The following NEGR1 variants were observed in gnomAD, a reference collection of about 807,000 sequenced individuals.
The protein encoded by NEGR1 is neuronal growth regulator 1, also known as IgLON family member 4.
NEGR1 carries 10 observed loss-of-function variants against 40.9 expected under a neutral mutation model. That is an observed-to-expected ratio of 0.24 (90% CI 0.15 to 0.42). The LOEUF (loss-of-function observed/expected upper bound fraction) is 0.42, where lower values mean the gene tolerates loss of function less well. Ranked by LOEUF, NEGR1 falls within the 10% of genes least tolerant of loss-of-function variation. The pLI is 1.00. For synonymous variants in NEGR1, 185 were observed against 166.8 expected, an observed-to-expected ratio of 1.11 and a Z score of -0.84; for missense variants, 352 against 438.9, an observed-to-expected ratio of 0.80 and a Z score of 1.77.
At chr1:71,712,768 A>T (rs1045642816) in intron 3 of NEGR1, among the ~76,000 whole-genome samples, 24 of 152,140 alleles carry the variant, frequency 1.6e-4, no homozygotes, top group African/African-American at 5.6e-4. Flanking sequence ...TGACTGGATC[A>T]TGGGGTCAGA....
chr1:71,807,199 T>C (rs1182951024), intron 2 of NEGR1, among the ~76,000 whole-genome samples: 2 of 152,078 alleles, frequency 1.3e-5, no homozygotes, highest in Admixed American at 1.3e-4. Flanking sequence ...CCTGGCCATG[T>C]CGATCTATTT....
intron 3 of NEGR1, among the ~76,000 whole-genome samples, chr1:71,762,703 CT>C (rs780476525): frequency 3.9e-5 from 6 of 152,104 alleles, no homozygotes; most frequent in Non-Finnish European, 8.8e-5. Flanking sequence ...AGATTATGCA[CT>C]GTATGGCAGT....
intron 2 of NEGR1, among the ~76,000 whole-genome samples, chr1:71,843,743 T>C (rs919118581): frequency 9.9e-5 from 15 of 152,152 alleles, no homozygotes; most frequent in Admixed American, 8.5e-4. Flanking sequence ...AAATTCTAGC[T>C]TAGCATTTAA....
At chr1:71,845,034 A>G (rs1241425737) in intron 2 of NEGR1, among the ~76,000 whole-genome samples, 1 of 152,194 alleles carries the variant, frequency 6.6e-6, no homozygotes, top group Non-Finnish European at 1.5e-5. Context: ...GTCAAGGCAA[A>G]TAGAGGTTTA....
intron 1 of NEGR1, among the ~76,000 whole-genome samples, chr1:72,144,753 T>C (rs1050676306): frequency 7.9e-5 from 12 of 152,208 alleles, no homozygotes; most frequent in Admixed American, 7.2e-4. Flanking sequence ...TGGAACTCCA[T>C]ACTTCAAAGG....
At chr1:71,642,006 A>G (rs1651371092) in intron 4 of NEGR1, among the ~76,000 whole-genome samples, 1 of 151,954 alleles carries the variant, frequency 6.6e-6, no homozygotes, top group African/African-American at 2.4e-5. Flanking sequence ...GAGTTAGTGC[A>G]TTTACCTGAT....
At chr1:72,253,050 T>G (rs1655158297) in intron 1 of NEGR1, among the ~76,000 whole-genome samples, 1 of 152,328 alleles carries the variant, frequency 6.6e-6, no homozygotes, top group South Asian at 2.1e-4. Flanking sequence ...TGAGAAGACT[T>G]CCTTTAGTTG....
intron 6 of NEGR1, among the ~76,000 whole-genome samples, chr1:71,524,495 A>C (rs1647194046): frequency 6.6e-6 from 1 of 151,770 alleles, no homozygotes; most frequent in Non-Finnish European, 1.5e-5. Flanking sequence ...CAATATTCAA[A>C]TAGCTTGTAC....
At chr1:72,161,862 T>A (rs1651576969) in intron 1 of NEGR1, among the ~76,000 whole-genome samples, 1 of 151,382 alleles carries the variant, frequency 6.6e-6, no homozygotes, top group Non-Finnish European at 1.5e-5. Flanking sequence ...TTGTTTTGTT[T>A]TGTATTTTAA....
intron 1 of NEGR1, among the ~76,000 whole-genome samples, chr1:72,138,860 ACATT>A (rs1650567819): frequency 6.6e-6 from 1 of 151,986 alleles, no homozygotes; most frequent in African/African-American, 2.4e-5. Context: ...ATATAATTTC[ACATT>A]TATAGAATAC....
intron 1 of NEGR1, among the ~76,000 whole-genome samples, chr1:72,248,748 A>T (rs1015931069): frequency 6.7e-6 from 1 of 150,362 alleles, no homozygotes; most frequent in African/African-American, 2.5e-5. Context: ...ACACCTGGCT[A>T]ATTTTTCTAT....
chr1:71,996,054 G>C (rs1646501951), intron 1 of NEGR1, among the ~76,000 whole-genome samples: 1 of 152,110 alleles, frequency 6.6e-6, no homozygotes, highest in Admixed American at 6.5e-5. Context: ...TGAAAAAATA[G>C]TAATAGTACA....
At chr1:71,552,244 C>T (rs28539671) in intron 6 of NEGR1, among the ~76,000 whole-genome samples, 7,017 of 151,182 alleles carry the variant, frequency 0.046, 549 homozygotes, top group African/African-American at 0.16. Context: ...AACCAGACAC[C>T]TTCCTTAACT....
intron 2 of NEGR1, among the ~76,000 whole-genome samples, chr1:71,843,408 A>G (rs192180701): frequency 1.3e-5 from 2 of 152,328 alleles, no homozygotes. Context: ...ATAAGAGAAC[A>G]GAAGTCGAGG....
intron 1 of NEGR1, among the ~76,000 whole-genome samples, chr1:72,165,977 TG>T (rs1280318035): frequency 1.3e-5 from 2 of 152,022 alleles, no homozygotes; most frequent in Non-Finnish European, 2.9e-5. Context: ...AAATTCAACT[TG>T]AACTACGTTA....
intron 1 of NEGR1, among the ~76,000 whole-genome samples, chr1:71,971,168 T>C (rs1488413431): frequency 1.3e-5 from 2 of 152,230 alleles, no homozygotes; most frequent in Non-Finnish European, 2.9e-5. Context: ...CACCAGAACC[T>C]GGAAGAACCA....
intron 4 of NEGR1, among the ~76,000 whole-genome samples, chr1:71,674,959 C>A (rs1424894960): frequency 4.0e-5 from 6 of 151,290 alleles, no homozygotes; most frequent in African/African-American, 1.5e-4. Context: ...TTCTTAGCAA[C>A]CTTACCTAAC....
chr1:71,695,031 A>G (rs1653430222), intron 4 of NEGR1, among the ~76,000 whole-genome samples: 1 of 151,814 alleles, frequency 6.6e-6, no homozygotes, highest in Non-Finnish European at 1.5e-5. Context: ...AACTTTGTTC[A>G]GTAGGCTTTG....
intron 3 of NEGR1, among the ~76,000 whole-genome samples, chr1:71,735,218 A>C (rs981574725): frequency 4.6e-5 from 7 of 152,224 alleles, no homozygotes; most frequent in South Asian, 4.1e-4. Context: ...TTCATCTTTC[A>C]AGACACACTT....
Sources: gnomAD v4.1 joint callset for allele counts (sites outside exome capture counted in the v4.1 genomes callset) on GRCh38, gnomAD v4.1.1 for gene constraint, MANE v1.5 for transcripts, NCBI Gene and HGNC (gene_info 2026-07-23, HGNC 2026-07-21) for gene names.